Variants in UGT1A8 observed in about 807,000 individuals in gnomAD.
UGT1A8 encodes the protein UDP-glucuronosyltransferase 1A8.
A neutral mutation model predicts 45.3 loss-of-function variants in UGT1A8; 39 were observed. The observed-to-expected ratio is 0.86, with a 90% CI of 0.67 to 1.12. The LOEUF is 1.12. UGT1A8 is among the 50% of genes most tolerant of loss of function. The pLI is 0.00. For synonymous variants in UGT1A8, 275 were observed against 249.2 expected, an observed-to-expected ratio of 1.10 and a Z score of -0.97; for missense variants, 719 against 664.9, an observed-to-expected ratio of 1.08 and a Z score of -0.90.
At chr2:233,711,040 C>T (rs1449221442) in intron 1 of UGT1A8, among the ~76,000 whole-genome samples, 1 of 152,212 alleles carries the variant, frequency 6.6e-6, no homozygotes, top group African/African-American at 2.4e-5. Context: ...GGTGACCTCA[C>T]TGACACCCAT....
chr2:233,755,144 C>T (rs1040517387), intron 1 of UGT1A8: 11 of 1,304,848 alleles, frequency 8.4e-6, no homozygotes, highest in African/African-American at 7.5e-5. Flanking sequence ...ATCTTCTCAC[C>T]GCTTCCTCCC....
chr2:233,734,383 T>C (rs1334676170), intron 1 of UGT1A8, among the ~76,000 whole-genome samples: 1 of 152,214 alleles, frequency 6.6e-6, no homozygotes, highest in African/African-American at 2.4e-5. Context: ...GCCTTTACTA[T>C]TTTTTATTGC....
At position 233,743,978 on chromosome 2, in the gene UGT1A8, C is replaced by T. The variant is rs900800021; in HGVS notation, c.856-23056C>T. On this transcript the variant is annotated intron_variant, in intron 1 of 4. Transcript: ENST00000373450. ...AGCGAGCGGCAAGGCTGCCAGCACC[C>T]AGGCGCAGGCCCGAGTGCTCGGAGA... The T allele has an allele frequency of 2.3e-6, 3 of 1,306,202 alleles. No individual in the cohort carries two copies. The African/African-American group carries it at 4.6e-5, about 20-fold the overall frequency. 80.9% of individuals were successfully genotyped at this position (1,306,202 alleles called of 1,614,324 possible). A position where few individuals can be genotyped will look rare whatever the true frequency, so the allele number is the denominator to read the frequency against.
intron 1 of UGT1A8, among the ~76,000 whole-genome samples, chr2:233,646,063 C>T (rs920550300): frequency 1.5e-4 from 23 of 152,258 alleles, no homozygotes; most frequent in Non-Finnish European, 3.4e-4. Flanking sequence ...CAATTCTTGA[C>T]TTCTGTGCAC....
At chr2:233,678,165 A>G (rs2074410372) in intron 1 of UGT1A8, among the ~76,000 whole-genome samples, 1 of 152,166 alleles carries the variant, frequency 6.6e-6, no homozygotes, top group Non-Finnish European at 1.5e-5. Flanking sequence ...ATGGACTCCT[A>G]AAAGGGAGAG....
intron 1 of UGT1A8, among the ~76,000 whole-genome samples, chr2:233,644,393 C>A (rs2073545073): frequency 6.6e-6 from 1 of 152,076 alleles, no homozygotes; most frequent in Non-Finnish European, 1.5e-5. Context: ...CATGGCGAAA[C>A]CCAATCTGTA....
At chr2:233,634,237 T>C (rs1398495701) in intron 1 of UGT1A8, among the ~76,000 whole-genome samples, 1 of 152,224 alleles carries the variant, frequency 6.6e-6, no homozygotes, top group Non-Finnish European at 1.5e-5. Flanking sequence ...AATTATGTGG[T>C]CAATTTTAGA....
intron 1 of UGT1A8, among the ~76,000 whole-genome samples, chr2:233,688,403 T>C (rs1229313639): frequency 6.6e-6 from 1 of 152,250 alleles, no homozygotes; most frequent in Non-Finnish European, 1.5e-5. Context: ...TGTTCTAATT[T>C]TCGAGCCCAT....
chr2:233,682,164 C>T (rs374860015), intron 1 of UGT1A8: 114 of 1,614,088 alleles, frequency 7.1e-5, no homozygotes, highest in Non-Finnish European at 9.1e-5. Context: ...ACAGTGAAGA[C>T]TTACTCAACC....
rs192958236 is a variant in UGT1A8 at position 233,736,101 on chromosome 2, G to A, written c.856-30933G>A. On this transcript the variant is annotated intron_variant, in intron 1 of 4. Transcript: ENST00000373450. ...GTTCTCCTGGATAATATCCTGAAGA[G>A]TGTTTTCCAACTTGTTTCCATTCTC... Among the ~76,000 whole-genome samples, 338 of 152,320 alleles carry A rather than the reference G, an allele frequency of 2.2e-3. 1 individual carries two copies. The highest frequency in any genetic ancestry group is 4.2e-3 in the Non-Finnish European group (288 of 68,040).
intron 4 of UGT1A8, among the ~76,000 whole-genome samples, chr2:233,771,914 AAC>A (rs1700408525): frequency 6.6e-6 from 1 of 152,068 alleles, no homozygotes; most frequent in African/African-American, 2.4e-5. Flanking sequence ...TGATAATAGT[AAC>A]ACAGCCTGGG....
intron 1 of UGT1A8, among the ~76,000 whole-genome samples, chr2:233,727,549 C>T (rs1232390825): frequency 6.6e-6 from 1 of 152,198 alleles, no homozygotes; most frequent in Non-Finnish European, 1.5e-5. Context: ...CACCCGTCAC[C>T]TGGGCTCATC....
At chr2:233,756,376 A>G (rs1276716775) in intron 1 of UGT1A8, 1 of 152,194 alleles carries the variant, frequency 6.6e-6, no homozygotes, top group Non-Finnish European at 1.5e-5. Flanking sequence ...ATGCTATGTA[A>G]ATAGTTGTTT....
intron 1 of UGT1A8, among the ~76,000 whole-genome samples, chr2:233,623,499 A>G (rs2073045965): frequency 6.6e-6 from 1 of 152,170 alleles, no homozygotes; most frequent in South Asian, 2.1e-4. Context: ...TGTGAATGCC[A>G]TCTAGTCATT....
At chr2:233,727,741 T>C (rs1184923085) in intron 1 of UGT1A8, among the ~76,000 whole-genome samples, 1 of 152,232 alleles carries the variant, frequency 6.6e-6, no homozygotes, top group Non-Finnish European at 1.5e-5. Flanking sequence ...TGTGCCATCC[T>C]GCGTGTGCTG....
intron 1 of UGT1A8, among the ~76,000 whole-genome samples, chr2:233,749,165 T>C (rs1694132645): frequency 6.6e-6 from 1 of 151,910 alleles, no homozygotes; most frequent in Non-Finnish European, 1.5e-5. Flanking sequence ...TCCTTTTGTA[T>C]TTTTATTTCT....
intron 1 of UGT1A8, among the ~76,000 whole-genome samples, chr2:233,687,869 C>T (rs17863781): frequency 6.6e-6 from 1 of 152,188 alleles, no homozygotes; most frequent in African/African-American, 2.4e-5. Context: ...GACTATTCCA[C>T]TCCACTCCAG....
intron 1 of UGT1A8, among the ~76,000 whole-genome samples, chr2:233,664,558 T>G (rs1051817716): frequency 6.6e-6 from 1 of 152,212 alleles, no homozygotes; most frequent in African/African-American, 2.4e-5. Flanking sequence ...GAGTGTTTAC[T>G]CATGGTAGAA....
chr2:233,689,817 A>T, intron 1 of UGT1A8: 3 of 442,316 alleles, frequency 6.8e-6, no homozygotes, highest in South Asian at 4.9e-5. Flanking sequence ...GAAACCAAAC[A>T]TCTCTGGACT....
Sources: allele counts gnomAD v4.1 joint callset (sites outside exome capture counted in the v4.1 genomes callset), GRCh38; gene constraint gnomAD v4.1.1; transcripts MANE v1.5; gene names NCBI Gene and HGNC (gene_info 2026-07-23, HGNC 2026-07-21).